The following SPART variants were observed in gnomAD, a reference collection of about 807,000 sequenced individuals.
SPART encodes the protein spartin.
A neutral mutation model predicts 58.7 loss-of-function variants in SPART; 35 were observed. The ratio of observed to expected loss-of-function variants is 0.60; its 90% CI spans 0.46 to 0.79. The LOEUF is 0.79. Among genes scored for constraint, SPART ranks in the 30% least tolerant of loss-of-function variants. The pLI is 0.00. For synonymous variants in SPART, 284 were observed against 280.7 expected, an observed-to-expected ratio of 1.01 and a Z score of -0.12; for missense variants, 730 against 786.1, an observed-to-expected ratio of 0.93 and a Z score of 0.85.
chr13:36,365,534 T>C (rs929729403), intron 1 of SPART: 31 of 392,984 alleles, frequency 7.9e-5, no homozygotes, highest in African/African-American at 6.6e-4. Flanking sequence ...TTCCTGGATT[T>C]CTTCTCCTAT....
At chr13:36,325,077 A>T (rs910226327) in intron 5 of SPART, among the ~76,000 whole-genome samples, 3 of 152,198 alleles carry the variant, frequency 2.0e-5, no homozygotes, top group Non-Finnish European at 4.4e-5. Flanking sequence ...ATCTGGGCAT[A>T]TACGTCAAGT....
At position 36,367,189 on chromosome 13, in the gene SPART, G is replaced by T. The variant is rs980738687; in HGVS notation, c.-3+2900C>A. 3.9e-5 allele frequency among the ~76,000 whole-genome samples: 6 copies of T among 152,144 alleles called. 1 individual carries two copies. Among genetic ancestry groups the T allele is most frequent in the Admixed American group, 3.9e-4 (6 of 15,272 alleles). ...TGTAAAGCCCTGGCTCTTAGAGCCA[G>T]GCCAGCAACCTTTGATATGCAAATG... On this transcript the variant is annotated intron_variant, in intron 1 of 8. Coordinates refer to the SPART transcript ENST00000355182.
chr13:36,355,499 CA>C (rs1885586836), intron 1 of SPART, among the ~76,000 whole-genome samples: 1 of 151,850 alleles, frequency 6.6e-6, no homozygotes, highest in Admixed American at 6.6e-5. Context: ...TATTTTCAGT[CA>C]AAAAAATAAA....
At chr13:36,345,194 C>A (rs893124183) in intron 1 of SPART, among the ~76,000 whole-genome samples, 3 of 152,176 alleles carry the variant, frequency 2.0e-5, no homozygotes, top group Admixed American at 2.0e-4. Context: ...ATACACCTCC[C>A]TCCGTAGCAT....
At chr13:36,332,242 A>C (rs1032814581) in intron 2 of SPART, among the ~76,000 whole-genome samples, 2 of 152,208 alleles carry the variant, frequency 1.3e-5, no homozygotes, top group Non-Finnish European at 2.9e-5. Flanking sequence ...CTATAATCCC[A>C]ACACTCTGGG....
At chr13:36,346,667 G>C (rs1224681013), upstream of SPART, 1 of 152,362 alleles carries the variant, frequency 6.6e-6, no homozygotes, top group South Asian at 2.1e-4. Context: ...AAGGAGCGAG[G>C]GCGGCAGGCG....
At chr13:36,326,753 C>T in intron 4 of SPART, 55 bp from the exon 5 acceptor site, 1 of 1,588,854 alleles carries the variant, frequency 6.3e-7, no homozygotes, top group Non-Finnish European at 8.6e-7. Flanking sequence ...AGGGGGAAAA[C>T]TGTAAGCATT....
rs1264655090 is a variant in SPART, at chr13:36,331,564, A to T, written c.843T>A (p.Asp281Glu). 9.9e-6 allele frequency: 16 copies of T among 1,613,998 alleles called. No homozygotes were observed. Among genetic ancestry groups the T allele is most frequent in the Non-Finnish European group, 1.2e-5 (14 of 1,180,000 alleles). ...CAGTACATTTCAGAACCGGAGATCT[A>T]TCAGGAACTAGAGGATATAACCAGT... ...VCDWLYPLVP[D>E]RSPVLKCTAG... The change falls in exon 3 of 9, where the codon GAT (aspartate) becomes GAA (glutamate). Residue 281 changes from aspartate to glutamate, a missense_variant. By Grantham distance (45) the Asp-to-Glu change is conservative (BLOSUM62 2). Transcript: ENST00000438666.
Position 36,362,037 on chromosome 13 carries a change from G to T in SPART, c.-3+8052C>A, listed in dbSNP as rs540056897. 2.0e-5 allele frequency among the ~76,000 whole-genome samples: 3 copies of T among 152,252 alleles called. No individual in the cohort carries two copies. The South Asian group carries it at 6.2e-4, about 32-fold the overall frequency. On this transcript the variant is annotated intron_variant, in intron 1 of 8. Coordinates refer to the SPART transcript ENST00000355182. ...AGGCATTATTATCACTGCAGTCCTT[G>T]TACTAGACCCCAGGCAAACAATACC...
At chr13:36,321,257 A>C (rs9547257) in intron 5 of SPART, among the ~76,000 whole-genome samples, 87,950 of 151,280 alleles carry the variant, frequency 0.58, 26,829 homozygotes, top group Non-Finnish European at 0.69. Context: ...TTACACTGCC[A>C]GTTTACACTG....
chr13:36,310,115 T>C (rs947252707), intron 8 of SPART, among the ~76,000 whole-genome samples: 65 of 152,278 alleles, frequency 4.3e-4, no homozygotes, highest in African/African-American at 1.2e-3. Flanking sequence ...CATTTCGGTT[T>C]CCTCATCTGC....
chr13:36,333,546 A>G (rs981291293), intron 2 of SPART, among the ~76,000 whole-genome samples: 1 of 152,136 alleles, frequency 6.6e-6, no homozygotes, highest in Non-Finnish European at 1.5e-5. Flanking sequence ...AAGAGACTCA[A>G]ATTAAATTTT....
chr13:36,335,017 T>G lies in SPART; in HGVS notation c.810+4A>C, dbSNP rs564160606. The G allele has an allele frequency of 1.9e-6, 3 of 1,612,714 alleles. No individual in the cohort carries two copies. The highest frequency in any genetic ancestry group is 2.2e-5 in the South Asian group (2 of 91,030). On this transcript the variant is annotated splice_donor_region_variant and intron_variant, in intron 2 of 8. Coordinates refer to ENST00000438666, the MANE Select transcript of SPART (RefSeq NM_015087.5). ...AATTATGCTTTCATTTTTCTTTCGC[T>G]TACCTGAAGAAACCCGGGAGGACGG... is the stretch of plus-strand genomic sequence containing the variant.
At chr13:36,327,955 C>T (rs1211157121) in intron 4 of SPART, among the ~76,000 whole-genome samples, 1 of 152,166 alleles carries the variant, frequency 6.6e-6, no homozygotes, top group Non-Finnish European at 1.5e-5. Context: ...GATCGCACCA[C>T]TGCACTCCAG....
rs779828161 is a variant in SPART, at chr13:36,312,224, C to G, written c.1654G>C (p.Val552Leu). Residue 552 changes from valine to leucine, a missense_variant, in exon 8 of 9, where the codon GTC becomes CTC. Physicochemically the swap from Val to Leu is conservative, Grantham distance 32. Coordinates refer to ENST00000438666, the MANE Select transcript of SPART (RefSeq NM_015087.5). ...AASSVQGFST[V>L]WQGLECAAKC... ...GCTGCACATTCCAATCCTTGCCAGA[C>G]AGTTGAAAATCCTGTAAAAATAATA... 3 of 1,614,108 alleles carry G rather than the reference C, an allele frequency of 1.9e-6. No homozygotes were observed. Among genetic ancestry groups the G allele is most frequent in the Middle Eastern group, 1.6e-4 (1 of 6,062 alleles).
intron 1 of SPART, among the ~76,000 whole-genome samples, chr13:36,355,037 C>T (rs940343576): frequency 2.0e-5 from 3 of 152,156 alleles, no homozygotes; most frequent in Non-Finnish European, 4.4e-5. Context: ...TTGATTCATT[C>T]ATTCATTCAA....
At chr13:36,326,351 T>G in intron 5 of SPART, 1 of 537,782 alleles carries the variant, frequency 1.9e-6, no homozygotes. Flanking sequence ...ACTATCCATT[T>G]TCCCAATAGT....
intron 1 of SPART, among the ~76,000 whole-genome samples, chr13:36,358,891 A>T (rs1396668588): frequency 6.6e-6 from 1 of 152,244 alleles, no homozygotes; most frequent in Non-Finnish European, 1.5e-5. Context: ...AAGAGTTCCC[A>T]TTAACTTTTC....
intron 1 of SPART, among the ~76,000 whole-genome samples, chr13:36,363,888 C>T (rs1193169433): frequency 6.6e-6 from 1 of 152,088 alleles, no homozygotes; most frequent in African/African-American, 2.4e-5. Context: ...TAACACCTTA[C>T]ATAACCATAG....
Sources: gnomAD v4.1 joint callset for allele counts (sites outside exome capture counted in the v4.1 genomes callset) on GRCh38, gnomAD v4.1.1 for gene constraint, MANE v1.5 for transcripts, NCBI Gene and HGNC (gene_info 2026-07-23, HGNC 2026-07-21) for gene names.